The following TMEM132D variants were observed in gnomAD, a reference collection of about 807,000 sequenced individuals.
The protein encoded by TMEM132D is transmembrane protein 132D.
In TMEM132D, 21 loss-of-function variants were observed where a neutral mutation model predicts 62.3. The observed-to-expected ratio is 0.34, with a 90% CI of 0.24 to 0.49. The LOEUF (loss-of-function observed/expected upper bound fraction) is 0.49, where lower values mean the gene tolerates loss of function less well. TMEM132D is among the 20% of genes least tolerant of loss of function. The pLI, the probability that TMEM132D is intolerant of heterozygous loss-of-function variation, is 0.99. For missense variants in TMEM132D, 1,346 were observed against 1,402.8 expected, an observed-to-expected ratio of 0.96 and a Z score of 0.65; for synonymous variants, 621 against 575.6, an observed-to-expected ratio of 1.08 and a Z score of -1.13.
At chr12:129,789,438 C>G (rs1273159998) in intron 1 of TMEM132D, among the ~76,000 whole-genome samples, 1 of 152,194 alleles carries the variant, frequency 6.6e-6, no homozygotes, top group African/African-American at 2.4e-5. Flanking sequence ...ACGTTTATAG[C>G]AGCACAATTT....
chr12:129,742,564 A>G (rs1367044017), intron 1 of TMEM132D, among the ~76,000 whole-genome samples: 1 of 152,112 alleles, frequency 6.6e-6, no homozygotes, highest in Admixed American at 6.5e-5. Flanking sequence ...AAACCATATC[A>G]CCATCTGAAA....
intron 4 of TMEM132D, among the ~76,000 whole-genome samples, chr12:129,307,506 A>G (rs965368535): frequency 2.6e-5 from 4 of 152,178 alleles, no homozygotes; most frequent in Non-Finnish European, 4.4e-5. Flanking sequence ...CTCAAAATGT[A>G]CATATCCAAA....
chr12:129,314,057 T>A (rs1156588469), intron 4 of TMEM132D, among the ~76,000 whole-genome samples: 1 of 152,172 alleles, frequency 6.6e-6, no homozygotes. Context: ...TAATGGGATT[T>A]TTTTTCTTAC....
intron 5 of TMEM132D, among the ~76,000 whole-genome samples, chr12:129,114,195 T>C (rs1875813224): frequency 6.6e-6 from 1 of 152,174 alleles, no homozygotes. Context: ...GGGAATTATT[T>C]GTTCCCTGTT....
intron 2 of TMEM132D, among the ~76,000 whole-genome samples, chr12:129,695,241 C>A (rs1224994179): frequency 6.6e-6 from 1 of 152,024 alleles, no homozygotes; most frequent in African/African-American, 2.4e-5. Flanking sequence ...CCAAGGGGGG[C>A]AGCAGATAAA....
chr12:129,890,956 C>T (rs1273792351), intron 1 of TMEM132D, among the ~76,000 whole-genome samples: 1 of 152,144 alleles, frequency 6.6e-6, no homozygotes, highest in Non-Finnish European at 1.5e-5. Flanking sequence ...CAGCAGGGGC[C>T]TCCCGAATTC....
At chr12:129,244,617 TTTTTG>T (rs1292922445) in intron 4 of TMEM132D, among the ~76,000 whole-genome samples, 1 of 149,750 alleles carries the variant, frequency 6.7e-6, no homozygotes, top group Non-Finnish European at 1.5e-5. Context: ...GTTTGTTTGT[TTTTTG>T]TTTTATTTTT....
intron 2 of TMEM132D, among the ~76,000 whole-genome samples, chr12:129,675,243 A>G (rs1478465081): frequency 6.6e-6 from 1 of 152,198 alleles, no homozygotes; most frequent in East Asian, 1.9e-4. Flanking sequence ...TGAAGCTGAA[A>G]GTCATCATTG....
intron 1 of TMEM132D, among the ~76,000 whole-genome samples, chr12:129,875,917 GTTAA>G (rs926461318): frequency 6.6e-6 from 1 of 152,204 alleles, no homozygotes; most frequent in Non-Finnish European, 1.5e-5. Flanking sequence ...CTTCCATTTT[GTTAA>G]TTCTGGCCTG....
At chr12:129,401,083 A>G (rs1915485) in intron 3 of TMEM132D, among the ~76,000 whole-genome samples, 34,148 of 152,092 alleles carry the variant, frequency 0.22, 4,014 homozygotes, top group East Asian at 0.39. Context: ...GGGCCTGGCC[A>G]TCACAAAGCT....
chr12:129,131,630 G>T (rs957821126), intron 5 of TMEM132D, among the ~76,000 whole-genome samples: 7 of 151,906 alleles, frequency 4.6e-5, no homozygotes, highest in South Asian at 2.1e-4. Context: ...AAGAAAGAAA[G>T]AAATTATCCT....
At chr12:129,234,313 G>C (rs1879725146) in intron 4 of TMEM132D, among the ~76,000 whole-genome samples, 2 of 152,172 alleles carry the variant, frequency 1.3e-5, no homozygotes, top group African/African-American at 4.8e-5. Flanking sequence ...CTATTATGAA[G>C]AGACATGATC....
intron 1 of TMEM132D, chr12:129,854,451 T>C (rs1052312521): frequency 1.3e-5 from 2 of 152,162 alleles, no homozygotes; most frequent in Non-Finnish European, 2.9e-5. Context: ...GATCGCCAAG[T>C]GGGGCAAGAA....
chr12:129,137,294 A>G (rs1876611535), intron 5 of TMEM132D, among the ~76,000 whole-genome samples: 1 of 152,156 alleles, frequency 6.6e-6, no homozygotes, highest in African/African-American at 2.4e-5. Flanking sequence ...CATCATCACT[A>G]TCACTATCAC....
chr12:129,520,635 C>T (rs1448688247), intron 3 of TMEM132D, among the ~76,000 whole-genome samples: 1 of 152,134 alleles, frequency 6.6e-6, no homozygotes, highest in East Asian at 1.9e-4. Context: ...CTGGACCAAG[C>T]TTCACCATTT....
chr12:129,437,138 A>G (rs1237445298), intron 3 of TMEM132D, among the ~76,000 whole-genome samples: 3 of 152,112 alleles, frequency 2.0e-5, no homozygotes, highest in East Asian at 1.9e-4. Context: ...GTTAGGGTCA[A>G]TGGAATGTGA....
At chr12:129,166,861 C>T (rs1877577833) in intron 5 of TMEM132D, among the ~76,000 whole-genome samples, 1 of 151,888 alleles carries the variant, frequency 6.6e-6, no homozygotes, top group Admixed American at 6.6e-5. Flanking sequence ...GCTAGCTCAG[C>T]ATCTTAGAAA....
intron 2 of TMEM132D, among the ~76,000 whole-genome samples, chr12:129,572,367 T>G (rs1877538064): frequency 6.6e-6 from 1 of 152,222 alleles, no homozygotes; most frequent in African/African-American, 2.4e-5. Flanking sequence ...ACACAGGGTC[T>G]AAGGCGGGAA....
At chr12:129,166,676 TATATATACAC>T (rs1197761490) in intron 5 of TMEM132D, among the ~76,000 whole-genome samples, 39 of 39,814 alleles carry the variant, frequency 9.8e-4, no homozygotes, top group Admixed American at 1.6e-3. Flanking sequence ...CGCAAGGACA[TATATATACAC>T]ATACACACAC....
Sources: gnomAD v4.1 joint callset for allele counts (sites outside exome capture counted in the v4.1 genomes callset) on GRCh38, gnomAD v4.1.1 for gene constraint, MANE v1.5 for transcripts, NCBI Gene and HGNC (gene_info 2026-07-23, HGNC 2026-07-21) for gene names.